COL22A1: variants seen among roughly 807,000 people sequenced by gnomAD.
The protein encoded by COL22A1 is collagen type XXII alpha 1 chain, also known as collagen alpha-1(XXII) chain.
A neutral mutation model predicts 248.9 loss-of-function variants in COL22A1; 221 were observed. That is an observed-to-expected ratio of 0.89 (90% CI 0.80 to 0.99). The LOEUF (loss-of-function observed/expected upper bound fraction) is 0.99, where lower values mean the gene tolerates loss of function less well. Among genes scored for constraint, COL22A1 ranks in the 50% least tolerant of loss-of-function variants. The pLI, the probability that COL22A1 is intolerant of heterozygous loss-of-function variation, is 0.00. For synonymous variants in COL22A1, 891 were observed against 793.4 expected (o/e 1.12, Z -2.07); for missense variants, 2,240 against 2,179.0 (o/e 1.03, Z -0.56).
At chr8:138,796,689 A>G in intron 12 of COL22A1, 130 bp downstream of exon 12, 2 of 714,838 alleles carry the variant, frequency 2.8e-6, no homozygotes, top group Non-Finnish European at 5.1e-6. Flanking sequence ...GGCCAGTTAC[A>G]CAGCCCAGGA....
intron 57 of COL22A1, among the ~76,000 whole-genome samples, chr8:138,606,779 C>T (rs1350128133): frequency 6.6e-6 from 1 of 152,172 alleles, no homozygotes; most frequent in South Asian, 2.1e-4. Flanking sequence ...AGTGAGATGG[C>T]ATACCACTGC....
At chr8:138,796,737 A>T in intron 12 of COL22A1, 82 bp downstream of exon 12, 1 of 952,550 alleles carries the variant, frequency 1.0e-6, no homozygotes, top group Non-Finnish European at 1.7e-6. Context: ...TCCAGGCAAC[A>T]TAACAGTAGC....
intron 23 of COL22A1, among the ~76,000 whole-genome samples, chr8:138,730,156 T>C (rs1011782560): frequency 6.6e-6 from 1 of 152,214 alleles, no homozygotes; most frequent in Admixed American, 6.5e-5. Flanking sequence ...CCCTGGACAG[T>C]ATCTGTCTCC....
chr8:138,685,147 T>C (rs1446962452), intron 38 of COL22A1, 61 bp downstream of exon 38: 1 of 1,189,046 alleles, frequency 8.4e-7, no homozygotes, highest in African/African-American at 1.5e-5. Context: ...TTTTTTTCCT[T>C]TTCCTTCTCT....
chr8:138,698,392 G>A (rs1286190338), intron 32 of COL22A1, among the ~76,000 whole-genome samples: 1 of 152,166 alleles, frequency 6.6e-6, no homozygotes, highest in Non-Finnish European at 1.5e-5. Flanking sequence ...TGAGCTGCAG[G>A]ACCGTCACCT....
At chr8:138,603,474 G>A (rs573304089) in intron 59 of COL22A1, among the ~76,000 whole-genome samples, 3 of 152,288 alleles carry the variant, frequency 2.0e-5, no homozygotes, top group East Asian at 3.9e-4. Flanking sequence ...CTGGGCATGA[G>A]GAAGCAGGAG....
chr8:138,698,491 C>T (rs1304684280), intron 32 of COL22A1, among the ~76,000 whole-genome samples: 1 of 152,314 alleles, frequency 6.6e-6, no homozygotes, highest in Admixed American at 6.5e-5. Flanking sequence ...TGAGCTGCTG[C>T]ATGGGGTGCT....
rs77531126 is a variant in COL22A1, at chr8:138,839,302, C to T, written c.733+4782G>A. The stretch of plus-strand genomic sequence containing the variant: ...GGCTACTGTGGGATGTCAGGACCCA[C>T]GGCGAGGGTACACTGGCTGGGAATA... On this transcript the variant is annotated intron_variant, in intron 4 of 64. Coordinates refer to ENST00000303045, the MANE Select transcript of COL22A1 (RefSeq NM_152888.3). 6.8e-3 allele frequency among the ~76,000 whole-genome samples: 1,040 copies of T among 152,202 alleles called. 17 individuals are homozygous for T. Among genetic ancestry groups the T allele is most frequent in the African/African-American group, 0.023 (961 of 41,518 alleles).
At chr8:138,626,343 G>A in intron 50 of COL22A1, 100 bp from the exon 51 acceptor site, 2 of 954,134 alleles carry the variant, frequency 2.1e-6, no homozygotes, top group Non-Finnish European at 3.3e-6. Context: ...GGGGGAGTGA[G>A]TGTTTGGTGA....
chr8:138,694,369 C>T, intron 34 of COL22A1, 139 bp downstream of exon 34: 1 of 879,456 alleles, frequency 1.1e-6, no homozygotes, highest in Non-Finnish European at 1.9e-6. Context: ...TCAGCCTCTG[C>T]AGCACATTGG....
Position 138,685,290 on chromosome 8 carries a change from C to T in COL22A1, c.2885G>A (p.Ser962Asn). The T allele has an allele frequency of 6.2e-7, 1 of 1,613,920 alleles. No homozygotes were observed. Among genetic ancestry groups the T allele is most frequent in the Admixed American group, 1.7e-5 (1 of 59,992 alleles). Residue 962 changes from serine to asparagine, a missense_variant, in exon 38 of 65, where the codon AGC (serine) becomes AAC (asparagine). By Grantham distance (46) the Ser-to-Asn change is conservative. Transcript: ENST00000303045. ...GEKGAAGEEG[S>N]PGPVGPRGDP... ...TCCCCTGGGACCAACTGGCCCTGGG[C>T]TGCCTTCTTCCCCCGCTGCACCCTG...
chr8:138,774,510 C>T (rs573587623), intron 16 of COL22A1, among the ~76,000 whole-genome samples: 1 of 151,664 alleles, frequency 6.6e-6, no homozygotes, highest in Non-Finnish European at 1.5e-5. Flanking sequence ...CCTCCGCCTC[C>T]CAGGTTCAAG....
intron 1 of COL22A1, among the ~76,000 whole-genome samples, chr8:138,898,180 A>G (rs985859246): frequency 4.6e-5 from 7 of 152,182 alleles, no homozygotes; most frequent in Non-Finnish European, 1.0e-4. Context: ...TTCAGTCTAC[A>G]GCAGATAGGA....
At chr8:138,707,775 G>A (rs1283180331) in intron 30 of COL22A1, among the ~76,000 whole-genome samples, 1 of 152,222 alleles carries the variant, frequency 6.6e-6, no homozygotes, top group East Asian at 1.9e-4. Flanking sequence ...AGTGTTGGAA[G>A]TTCTGGCCAG....
At chr8:138,847,405 T>A (rs1017096770) in intron 3 of COL22A1, among the ~76,000 whole-genome samples, 1 of 152,182 alleles carries the variant, frequency 6.6e-6, no homozygotes, top group Non-Finnish European at 1.5e-5. Context: ...ATCAGCCCCA[T>A]ATCCATTTCC....
At chr8:138,839,719 G>A (rs1426904695) in intron 4 of COL22A1, among the ~76,000 whole-genome samples, 2 of 152,136 alleles carry the variant, frequency 1.3e-5, no homozygotes, top group African/African-American at 4.8e-5. Context: ...TGGATGGGGG[G>A]CCCAAGTGGG....
chr8:138,636,632 C>T, intron 48 of COL22A1, 110 bp downstream of exon 48: 1 of 810,428 alleles, frequency 1.2e-6, no homozygotes, highest in South Asian at 1.6e-5. Flanking sequence ...TTAAAAAATC[C>T]TGCTACAGGC....
intron 7 of COL22A1, among the ~76,000 whole-genome samples, chr8:138,818,058 C>G (rs1818818441): frequency 6.6e-6 from 1 of 152,154 alleles, no homozygotes; most frequent in South Asian, 2.1e-4. Flanking sequence ...GTGGAAATCT[C>G]ATTGTTGGAT....
chr8:138,885,059 T>A (rs1210883926), intron 1 of COL22A1, among the ~76,000 whole-genome samples: 1 of 152,098 alleles, frequency 6.6e-6, no homozygotes, highest in Non-Finnish European at 1.5e-5. Flanking sequence ...GGAAGCGAGC[T>A]GAATGCACAT....
Sources: allele counts gnomAD v4.1 joint callset (sites outside exome capture counted in the v4.1 genomes callset), GRCh38; gene constraint gnomAD v4.1.1; transcripts MANE v1.5; gene names NCBI Gene and HGNC (gene_info 2026-07-23, HGNC 2026-07-21).